Variants in FIP1L1 observed in about 807,000 individuals in gnomAD.
FIP1L1 encodes the protein factor interacting with PAPOLA and CPSF1, also known as pre-mRNA 3'-end-processing factor FIP1.
FIP1L1 carries 21 observed loss-of-function variants against 84.6 expected under a neutral mutation model. That is an observed-to-expected ratio of 0.25 (90% CI 0.18 to 0.36). FIP1L1 has a LOEUF of 0.36. Ranked by LOEUF, FIP1L1 falls within the 10% of genes least tolerant of loss-of-function variation. The pLI is 1.00. For synonymous variants in FIP1L1, 263 were observed against 242.3 expected (o/e 1.09, Z -0.80); for missense variants, 526 against 751.1 (o/e 0.70, Z 3.50).
At chr4:53,386,715 T>C (rs10517295) in intron 5 of FIP1L1, among the ~76,000 whole-genome samples, 19,758 of 152,164 alleles carry the variant, frequency 0.13, 2,553 homozygotes, top group African/African-American at 0.32. Flanking sequence ...ATAAGGTAGA[T>C]GAAAAGAGAT....
At chr4:53,422,007 T>C (rs1334289080) in intron 11 of FIP1L1, among the ~76,000 whole-genome samples, 1 of 152,246 alleles carries the variant, frequency 6.6e-6, no homozygotes, top group Non-Finnish European at 1.5e-5. Context: ...TTGCTTCCCC[T>C]GATTAAATTG....
intron 13 of FIP1L1, among the ~76,000 whole-genome samples, chr4:53,439,488 A>T (rs774233169): frequency 1.3e-5 from 2 of 152,056 alleles, no homozygotes; most frequent in Non-Finnish European, 2.9e-5. Context: ...TGCACATCAG[A>T]ACATGTTTAG....
At chr4:53,412,974 T>G (rs1757851809) in intron 10 of FIP1L1, among the ~76,000 whole-genome samples, 1 of 152,144 alleles carries the variant, frequency 6.6e-6, no homozygotes, top group African/African-American at 2.4e-5. Context: ...CACTTATCAC[T>G]TAGACTCATA....
intron 13 of FIP1L1, among the ~76,000 whole-genome samples, chr4:53,431,888 A>G (rs1766852463): frequency 1.3e-5 from 2 of 152,192 alleles, no homozygotes; most frequent in Admixed American, 1.3e-4. Context: ...AAGAGGAGAA[A>G]TGTATTGCCT....
chr4:53,389,876 A>G lies in FIP1L1; in HGVS notation c.397+3A>G, dbSNP rs781146855. 1.9e-6 allele frequency: 3 copies of G among 1,598,350 alleles called. No homozygotes were observed. In the Admixed American group the frequency reaches 5.3e-5, roughly 28 times the overall value. ...GGGAAGAGTTTATGGAACTACAGGT[A>G]AAATTTGTATTTTCTGTTGCATCAA... On this transcript the variant is annotated splice_donor_region_variant and intron_variant, in intron 6 of 17. Transcript: ENST00000337488.
rs567392411 is a variant in FIP1L1 at position 53,437,636 on chromosome 4, G to A, written c.1175-5017G>A. Among the ~76,000 whole-genome samples the A allele has an allele frequency of 5.3e-3, 808 of 151,976 alleles. 5 individuals are homozygous for A. Among genetic ancestry groups the A allele is most frequent in the Non-Finnish European group, 9.2e-3 (622 of 67,956 alleles). ...ACTGAATCAGAAATTCTAGGGGAAG[G>A]GCCCAGCAATCTGTGTGTTTTAAGA... On this transcript the variant is annotated intron_variant, in intron 13 of 17. Coordinates refer to ENST00000337488, the MANE Select transcript of FIP1L1 (RefSeq NM_030917.4).
intron 1 of FIP1L1, 136 bp from the exon 2 acceptor site, chr4:53,378,937 T>C (rs1736260902): frequency 2.3e-6 from 2 of 851,452 alleles, no homozygotes; most frequent in African/African-American, 3.4e-5. Context: ...GGATTTCTTT[T>C]ACAAAGATCT....
intron 9 of FIP1L1, among the ~76,000 whole-genome samples, chr4:53,395,051 A>T (rs1300425679): frequency 1.3e-5 from 2 of 152,222 alleles, no homozygotes; most frequent in Admixed American, 1.3e-4. Flanking sequence ...GATCTGACAT[A>T]AATTTGTTTT....
In FIP1L1 at chr4:53,391,488, A is replaced by T; in HGVS notation, c.695A>T (p.Asn232Ile). 1 of 1,612,498 alleles carries T rather than the reference A, an allele frequency of 6.2e-7. No individual in the cohort carries two copies. The highest frequency in any genetic ancestry group is 2.2e-5 in the East Asian group (1 of 44,820). The change falls in exon 9 of 18, where the codon AAT (asparagine) becomes ATT (isoleucine). Residue 232 changes from asparagine to isoleucine, a missense_variant. Asn to Ile is a moderately radical substitution (Grantham distance 149). Coordinates refer to ENST00000337488, the MANE Select transcript of FIP1L1 (RefSeq NM_030917.4). ...GCAGAGATCCAAGATGGCAGATTCAATCTTTTTAAGGTGAATTTTAGTAAA... is the reference window on the plus strand; with the variant it reads ...GCAGAGATCCAAGATGGCAGATTCATTCTTTTTAAGGTGAATTTTAGTAAA... ...PGAEIQDGRF[N>I]LFKVQQGRTG...
chr4:53,399,303 A>G (rs2149482718), intron 9 of FIP1L1, among the ~76,000 whole-genome samples: 1 of 152,362 alleles, frequency 6.6e-6, no homozygotes, highest in South Asian at 2.1e-4. Flanking sequence ...TCTGAATAGA[A>G]AATGGTCAGA....
intron 13 of FIP1L1, among the ~76,000 whole-genome samples, chr4:53,431,116 A>G (rs1766459596): frequency 6.6e-6 from 1 of 152,222 alleles, no homozygotes; most frequent in African/African-American, 2.4e-5. Context: ...AGTTAACGAC[A>G]TATTTATGTA....
intron 16 of FIP1L1, among the ~76,000 whole-genome samples, chr4:53,453,390 A>G (rs1171780779): frequency 6.6e-6 from 1 of 152,144 alleles, no homozygotes; most frequent in African/African-American, 2.4e-5. Context: ...TAAGTTTTTC[A>G]TCTTAAGCTT....
At chr4:53,441,551 T>C (rs1224744917) in intron 13 of FIP1L1, among the ~76,000 whole-genome samples, 1 of 151,978 alleles carries the variant, frequency 6.6e-6, no homozygotes, top group East Asian at 1.9e-4. Context: ...TTTGTACTTT[T>C]AAGATGTTTA....
At chr4:53,395,586 A>G (rs1746784622) in intron 9 of FIP1L1, among the ~76,000 whole-genome samples, 1 of 152,212 alleles carries the variant, frequency 6.6e-6, no homozygotes, top group Admixed American at 6.5e-5. Context: ...TAAAGATGAT[A>G]TAGTTATAAA....
At chr4:53,378,189 G>T (rs1405459490) in intron 1 of FIP1L1, 31 of 353,750 alleles carry the variant, frequency 8.8e-5, no homozygotes, top group Non-Finnish European at 1.4e-4. Flanking sequence ...CCCCGGCTTC[G>T]CTGTGCTTTC....
At chr4:53,428,809 T>G (rs962226922) in intron 13 of FIP1L1, among the ~76,000 whole-genome samples, 2 of 152,236 alleles carry the variant, frequency 1.3e-5, no homozygotes, top group African/African-American at 4.8e-5. Flanking sequence ...TACTTTGTTT[T>G]TAACCTTTAT....
intron 16 of FIP1L1, among the ~76,000 whole-genome samples, chr4:53,453,830 T>C (rs368508843): frequency 1.3e-5 from 2 of 152,220 alleles, no homozygotes; most frequent in South Asian, 2.1e-4. Context: ...TCTTAAAATA[T>C]ATCCAGTGGA....
intron 15 of FIP1L1, among the ~76,000 whole-genome samples, chr4:53,445,283 T>C (rs565134425): frequency 1.3e-5 from 2 of 152,240 alleles, no homozygotes; most frequent in African/African-American, 4.8e-5. Context: ...TTTGAATTTA[T>C]AGGGTGAGTA....
At chr4:53,396,488 C>T (rs1265619318) in intron 9 of FIP1L1, among the ~76,000 whole-genome samples, 2 of 152,080 alleles carry the variant, frequency 1.3e-5, no homozygotes, top group East Asian at 3.9e-4. Flanking sequence ...TCACTGAAAC[C>T]TCCACCTCCC....
Sources: gnomAD v4.1 joint callset for allele counts (sites outside exome capture counted in the v4.1 genomes callset) on GRCh38, gnomAD v4.1.1 for gene constraint, MANE v1.5 for transcripts, NCBI Gene and HGNC (gene_info 2026-07-23, HGNC 2026-07-21) for gene names.